Variants in NUDT3 observed in about 807,000 individuals in gnomAD.
NUDT3 encodes nudix hydrolase 3, also known as diphosphoinositol polyphosphate phosphohydrolase 1.
Under a neutral mutation model 23.6 loss-of-function variants are expected in NUDT3, and 9 were observed. That is an observed-to-expected ratio of 0.38 (90% CI 0.23 to 0.66). NUDT3 has a LOEUF of 0.66. Ranked by LOEUF, NUDT3 falls within the 30% of genes least tolerant of loss-of-function variation. NUDT3 has a pLI of 0.52. For synonymous variants in NUDT3, 86 were observed against 82.6 expected, an observed-to-expected ratio of 1.04 and a Z score of -0.22; for missense variants, 172 against 218.5, an observed-to-expected ratio of 0.79 and a Z score of 1.34.
chr6:34,358,898 T>G (rs977947861), intron 1 of NUDT3, among the ~76,000 whole-genome samples: 2 of 152,224 alleles, frequency 1.3e-5, no homozygotes, highest in Non-Finnish European at 2.9e-5. Flanking sequence ...GAAAGATAGT[T>G]ATTGCAAGGA....
intron 1 of NUDT3, among the ~76,000 whole-genome samples, chr6:34,351,540 G>A (rs529769412): frequency 2.0e-5 from 3 of 149,106 alleles, no homozygotes; most frequent in African/African-American, 2.5e-5. Context: ...TCAGGAGTTC[G>A]AGACCAGCCT....
chr6:34,331,061 G>T (rs1466506731), intron 2 of NUDT3, among the ~76,000 whole-genome samples: 1 of 152,098 alleles, frequency 6.6e-6, no homozygotes, highest in Non-Finnish European at 1.5e-5. Context: ...CACCATATTG[G>T]CCAGGCTAGT....
intron 2 of NUDT3, among the ~76,000 whole-genome samples, chr6:34,333,160 A>G (rs1764155253): frequency 6.6e-6 from 1 of 152,156 alleles, no homozygotes; most frequent in Non-Finnish European, 1.5e-5. Context: ...TTTGACCACA[A>G]GCAGCTAAAA....
At chr6:34,289,444 G>A (rs187340799) in intron 4 of NUDT3, among the ~76,000 whole-genome samples, 32 of 152,312 alleles carry the variant, frequency 2.1e-4, no homozygotes, top group Admixed American at 3.3e-4. Context: ...GCATGTGCCT[G>A]TACTCCCAGC....
chr6:34,383,834 A>G (rs1765062829), intron 1 of NUDT3, among the ~76,000 whole-genome samples: 1 of 152,192 alleles, frequency 6.6e-6, no homozygotes, highest in Non-Finnish European at 1.5e-5. Context: ...AATGGAAGAC[A>G]TGACTAACTG....
chr6:34,326,949 ATC>A (rs946646168), intron 2 of NUDT3, among the ~76,000 whole-genome samples: 67 of 151,958 alleles, frequency 4.4e-4, no homozygotes, highest in African/African-American at 1.5e-3. Context: ...CGAGAGAGAG[ATC>A]GTACGAAATA....
At chr6:34,304,415 A>C (rs1763645959) in intron 2 of NUDT3, among the ~76,000 whole-genome samples, 1 of 152,054 alleles carries the variant, frequency 6.6e-6, no homozygotes, top group African/African-American at 2.4e-5. Flanking sequence ...AGGAAAGGAA[A>C]GGAAAGGAAA....
intron 2 of NUDT3, among the ~76,000 whole-genome samples, chr6:34,297,307 A>T (rs1311536417): frequency 3.9e-5 from 6 of 152,070 alleles, no homozygotes; most frequent in Non-Finnish European, 2.9e-5. Context: ...CAGCCAGCTA[A>T]AACTAGCTAG....
intron 1 of NUDT3, among the ~76,000 whole-genome samples, chr6:34,391,236 T>C (rs959296744): frequency 1.3e-5 from 2 of 152,218 alleles, no homozygotes; most frequent in African/African-American, 4.8e-5. Flanking sequence ...ACTGCGGCCC[T>C]GCCACCATAG....
intron 1 of NUDT3, among the ~76,000 whole-genome samples, chr6:34,387,732 A>G (rs1277260160): frequency 8.4e-6 from 1 of 119,142 alleles, no homozygotes. Context: ...AGAGAAAAAT[A>G]TTGTTATATA....
At chr6:34,337,203 G>T (rs187727437) in intron 2 of NUDT3, among the ~76,000 whole-genome samples, 39 of 152,128 alleles carry the variant, frequency 2.6e-4, no homozygotes, top group Admixed American at 7.8e-4. Flanking sequence ...AATAATGCTG[G>T]AATAAAATAT....
At chr6:34,303,973 C>T (rs529899081) in intron 2 of NUDT3, among the ~76,000 whole-genome samples, 91 of 152,278 alleles carry the variant, frequency 6.0e-4, no homozygotes, top group African/African-American at 2.0e-3. Context: ...TGCTACGAGG[C>T]CAGGCGCAGT....
intron 2 of NUDT3, among the ~76,000 whole-genome samples, chr6:34,300,654 T>A (rs1167793066): frequency 6.6e-6 from 1 of 152,206 alleles, no homozygotes; most frequent in Non-Finnish European, 1.5e-5. Flanking sequence ...CAAAGAAATC[T>A]AGTAAGAAGC....
intron 2 of NUDT3, among the ~76,000 whole-genome samples, chr6:34,320,189 C>A (rs993618075): frequency 6.6e-6 from 1 of 151,972 alleles, no homozygotes; most frequent in Non-Finnish European, 1.5e-5. Context: ...TTACTAGTGG[C>A]GAGTATGAAA....
intron 1 of NUDT3, among the ~76,000 whole-genome samples, chr6:34,376,775 T>C (rs1284869254): frequency 6.6e-6 from 1 of 152,094 alleles, no homozygotes. Flanking sequence ...CCACAACCCT[T>C]TGAAGGACAA....
chr6:34,376,831 C>G (rs375753735), intron 1 of NUDT3, among the ~76,000 whole-genome samples: 2 of 152,180 alleles, frequency 1.3e-5, no homozygotes, highest in East Asian at 1.9e-4. Context: ...CTCATTATCT[C>G]AAATCAAGGC....
intron 1 of NUDT3, among the ~76,000 whole-genome samples, chr6:34,376,687 A>G (rs1372473615): frequency 6.6e-6 from 1 of 152,208 alleles, no homozygotes; most frequent in Non-Finnish European, 1.5e-5. Context: ...CTTCCAGAAT[A>G]GAACATCATT....
At chr6:34,345,223 TATTTTTAGTAG>T (rs1380707490) in intron 1 of NUDT3, among the ~76,000 whole-genome samples, 1 of 151,814 alleles carries the variant, frequency 6.6e-6, no homozygotes, top group African/African-American at 2.4e-5. Flanking sequence ...TAATTTTTTG[TATTTTTAGTAG>T]AGACGGGGTT....
intron 1 of NUDT3, among the ~76,000 whole-genome samples, chr6:34,388,694 G>A (rs536491657): frequency 1.3e-5 from 2 of 152,306 alleles, no homozygotes; most frequent in African/African-American, 4.8e-5. Flanking sequence ...TGCAAGAAGG[G>A]ATGCTAATAT....
Sources: gnomAD v4.1 joint callset for allele counts (sites outside exome capture counted in the v4.1 genomes callset) on GRCh38, gnomAD v4.1.1 for gene constraint, MANE v1.5 for transcripts, NCBI Gene and HGNC (gene_info 2026-07-23, HGNC 2026-07-21) for gene names.